NINL: variants seen among roughly 807,000 people sequenced by gnomAD.
NINL encodes the protein ninein-like protein.
NINL carries 153 observed loss-of-function variants against 160.3 expected under a neutral mutation model. The observed-to-expected ratio is 0.95, with a 90% confidence interval of 0.84 to 1.09. NINL has a LOEUF of 1.09. Ranked by LOEUF, NINL falls within the 50% of genes least tolerant of loss-of-function variation. The pLI is 0.00. For missense variants in NINL, 1,829 were observed against 1,764.0 expected, an observed-to-expected ratio of 1.04 and a Z score of -0.66; for synonymous variants, 800 against 734.8, an observed-to-expected ratio of 1.09 and a Z score of -1.43.
chr20:25,492,193 G>A (rs796215825), intron 10 of NINL, among the ~76,000 whole-genome samples: 14 of 152,144 alleles, frequency 9.2e-5, no homozygotes, highest in African/African-American at 3.4e-4. Context: ...CCCAGAGCCC[G>A]GGCTTTTAAT....
chr20:25,561,995 A>G (rs1334608949), intron 1 of NINL, among the ~76,000 whole-genome samples: 59 of 108,362 alleles, frequency 5.4e-4, no homozygotes, highest in South Asian at 6.5e-4. Context: ...GGGAGGTGAG[A>G]GGCGCCTCTG....
intron 1 of NINL, among the ~76,000 whole-genome samples, chr20:25,541,304 A>C (rs902701031): frequency 6.6e-6 from 1 of 152,254 alleles, no homozygotes; most frequent in Non-Finnish European, 1.5e-5. Flanking sequence ...GCTAATGCTA[A>C]GCATGCTAAC....
chr20:25,511,565 T>G (rs2064070360), intron 4 of NINL, among the ~76,000 whole-genome samples: 1 of 152,096 alleles, frequency 6.6e-6, no homozygotes, highest in South Asian at 2.1e-4. Flanking sequence ...GCAACCCCAT[T>G]TTTTTAATGA....
chr20:25,566,531 G>A (rs117863850), intron 1 of NINL, among the ~76,000 whole-genome samples: 5,320 of 152,320 alleles, frequency 0.035, 119 homozygotes, highest in Non-Finnish European at 0.054. Context: ...TAACATGTGA[G>A]GGGCTGTAAT....
intron 6 of NINL, 122 bp downstream of exon 6, chr20:25,504,766 T>G: frequency 9.7e-7 from 1 of 1,033,708 alleles, no homozygotes; most frequent in Non-Finnish European, 1.4e-6. Context: ...CACCAAAGGA[T>G]TTTAGATTAG....
At chr20:25,567,813 ACAACACATCATTTCT>A (rs2065012199) in intron 1 of NINL, among the ~76,000 whole-genome samples, 1 of 152,184 alleles carries the variant, frequency 6.6e-6, no homozygotes, top group Non-Finnish European at 1.5e-5. Flanking sequence ...TGAAAATTAA[ACAACACATCATTTCT>A]CAATAATCCA....
At chr20:25,527,366 C>A (rs1568944123) in intron 1 of NINL, among the ~76,000 whole-genome samples, 1 of 152,126 alleles carries the variant, frequency 6.6e-6, no homozygotes, top group Admixed American at 6.5e-5. Flanking sequence ...GTTGGACAGG[C>A]TGGTCTTGAA....
chr20:25,485,206 T>C (rs2063483640), intron 13 of NINL, among the ~76,000 whole-genome samples: 1 of 152,226 alleles, frequency 6.6e-6, no homozygotes, highest in East Asian at 1.9e-4. Context: ...AGGTAACATG[T>C]TGCTTCGATG....
intron 1 of NINL, among the ~76,000 whole-genome samples, chr20:25,563,875 G>GAGA (rs557611896): frequency 3.3e-5 from 5 of 152,132 alleles, no homozygotes; most frequent in Admixed American, 6.5e-5. Flanking sequence ...AGATGAAAAA[G>GAGA]AGAAGAAGAA....
chr20:25,514,352 A>G (rs2064126894), intron 3 of NINL, among the ~76,000 whole-genome samples: 1 of 152,224 alleles, frequency 6.6e-6, no homozygotes, highest in Non-Finnish European at 1.5e-5. Context: ...GAAATTTTTA[A>G]GCAGCAAGGC....
chr20:25,484,372 G>C (rs1018737841), intron 13 of NINL, among the ~76,000 whole-genome samples: 1 of 152,162 alleles, frequency 6.6e-6, no homozygotes, highest in Admixed American at 6.5e-5. Flanking sequence ...CAGGCACCCA[G>C]ATCCTGTCTC....
At position 25,455,966 on chromosome 20, in the gene NINL, C is replaced by T. The variant is rs571973425; in HGVS notation, c.3844-180G>A. On this transcript the variant is annotated intron_variant, in intron 22 of 23. Transcript: ENST00000278886. Reference sequence around the variant, plus strand: ...GAAAAATTAGCCGTGTGTGGTGGTGCGTACCTGTAATCCCAGCTACTTGGG... The same window carrying T: ...GAAAAATTAGCCGTGTGTGGTGGTGTGTACCTGTAATCCCAGCTACTTGGG... Among the ~76,000 whole-genome samples, 122 of 151,970 alleles carry T rather than the reference C, an allele frequency of 8.0e-4. 1 individual carries two copies. Among genetic ancestry groups the T allele is most frequent in the African/African-American group, 2.8e-3 (116 of 41,434 alleles).
chr20:25,562,158 T>C, intron 1 of NINL, among the ~76,000 whole-genome samples: 1 of 141,378 alleles, frequency 7.1e-6, no homozygotes. Flanking sequence ...AGACGCCCCG[T>C]CCGGGAGGGA....
intron 13 of NINL, among the ~76,000 whole-genome samples, chr20:25,482,613 A>C (rs1282142422): frequency 6.6e-6 from 1 of 152,016 alleles, no homozygotes; most frequent in African/African-American, 2.4e-5. Context: ...AGCCTCCCAA[A>C]GTGCTGGGGT....
At chr20:25,542,069 A>T (rs2064671804) in intron 1 of NINL, among the ~76,000 whole-genome samples, 1 of 152,222 alleles carries the variant, frequency 6.6e-6, no homozygotes, top group South Asian at 2.1e-4. Context: ...GGATGACAGC[A>T]GCCTGCACTC....
intron 3 of NINL, 126 bp from the exon 4 acceptor site, chr20:25,513,132 C>G: frequency 1.1e-6 from 1 of 874,914 alleles, no homozygotes; most frequent in Non-Finnish European, 1.7e-6. Context: ...ACGTACTGCT[C>G]TGCACACAGA....
intron 18 of NINL, among the ~76,000 whole-genome samples, 154 bp downstream of exon 18, chr20:25,469,837 G>A (rs911356637): frequency 2.0e-5 from 3 of 152,188 alleles, no homozygotes; most frequent in South Asian, 2.1e-4. Flanking sequence ...CTGCCGAGTC[G>A]TTCAGAAGTT....
At chr20:25,465,538 C>T (rs2146364495) in intron 19 of NINL, among the ~76,000 whole-genome samples, 1 of 152,212 alleles carries the variant, frequency 6.6e-6, no homozygotes, top group East Asian at 1.9e-4. Flanking sequence ...CCAGGTCCAG[C>T]CCCATGAGGA....
At chr20:25,565,809 G>A (rs2064993042) in intron 1 of NINL, among the ~76,000 whole-genome samples, 1 of 152,150 alleles carries the variant, frequency 6.6e-6, no homozygotes, top group Non-Finnish European at 1.5e-5. Context: ...GGGGCCTGGA[G>A]AGAACAAAAA....
Sources: gnomAD v4.1 joint callset for allele counts (sites outside exome capture counted in the v4.1 genomes callset) on GRCh38, gnomAD v4.1.1 for gene constraint, MANE v1.5 for transcripts, NCBI Gene and HGNC (gene_info 2026-07-23, HGNC 2026-07-21) for gene names.